ARHGAP6: variants seen among roughly 807,000 people sequenced by gnomAD.
ARHGAP6 encodes the protein rho GTPase-activating protein 6.
Under a neutral mutation model 55.7 loss-of-function variants are expected in ARHGAP6, and 16 were observed. The ratio of observed to expected loss-of-function variants is 0.29; its 90% confidence interval spans 0.19 to 0.44. The LOEUF is 0.44. Among genes scored for constraint, ARHGAP6 ranks in the 20% least tolerant of loss-of-function variants. The pLI is 1.00. For missense variants in ARHGAP6, 698 were observed against 808.9 expected (o/e 0.86, Z 1.66); for synonymous variants, 382 against 360.9 (o/e 1.06, Z -0.66).
chrX:11,437,821 G>T (rs1007725312), intron 1 of ARHGAP6, among the ~76,000 whole-genome samples: 2 of 112,533 alleles, frequency 1.8e-5, no homozygotes, highest in Admixed American at 9.4e-5. Flanking sequence ...AGTGCTCACA[G>T]ATGTTGGTCA....
chrX:11,423,761 G>A (rs753184084), intron 1 of ARHGAP6, among the ~76,000 whole-genome samples: 2 of 112,277 alleles, frequency 1.8e-5, no homozygotes, highest in Admixed American at 1.9e-4. Context: ...ACCTGCCAGC[G>A]AGAGAGAAAT....
At chrX:11,166,922 A>T (rs2046025006) in intron 9 of ARHGAP6, among the ~76,000 whole-genome samples, 1 of 111,375 alleles carries the variant, frequency 9.0e-6, no homozygotes, top group African/African-American at 3.3e-5. Context: ...TCTTCCTCCC[A>T]CTCCACTGTT....
chrX:11,645,488 C>T (rs1316393914), intron 1 of ARHGAP6, among the ~76,000 whole-genome samples: 1 of 111,340 alleles, frequency 9.0e-6, no homozygotes, highest in East Asian at 2.8e-4. Context: ...TGCCCAACCC[C>T]AAAGATGCTA....
At chrX:11,422,214 A>T in intron 1 of ARHGAP6, among the ~76,000 whole-genome samples, 1 of 111,295 alleles carries the variant, frequency 9.0e-6, no homozygotes, top group South Asian at 3.9e-4. Context: ...CTTCAGAGAA[A>T]GCAGTCAGGA....
intron 2 of ARHGAP6, among the ~76,000 whole-genome samples, chrX:11,220,728 C>G (rs1436842200): frequency 9.1e-6 from 1 of 109,333 alleles, no homozygotes; most frequent in Non-Finnish European, 1.9e-5. Context: ...CATCGACTAA[C>G]AAGCAAAATA....
intron 2 of ARHGAP6, among the ~76,000 whole-genome samples, chrX:11,229,735 G>T (rs1187589565): frequency 8.9e-6 from 1 of 111,798 alleles, no homozygotes; most frequent in Non-Finnish European, 1.9e-5. Context: ...TTCATGAATT[G>T]TTCAGAACAC....
chrX:11,318,605 A>T (rs2147613497), intron 1 of ARHGAP6: 1 of 112,439 alleles, frequency 8.9e-6, no homozygotes, highest in South Asian at 3.7e-4. Context: ...TAGTTGGCTG[A>T]AATTATTAGG....
chrX:11,507,682 C>T (rs745821759), intron 1 of ARHGAP6, among the ~76,000 whole-genome samples: 1 of 111,476 alleles, frequency 9.0e-6, no homozygotes, highest in African/African-American at 3.3e-5. Context: ...CCATCTAGGG[C>T]TGTGGATTTC....
chrX:11,359,652 A>G (rs980137626), intron 1 of ARHGAP6, among the ~76,000 whole-genome samples: 4 of 112,066 alleles, frequency 3.6e-5, no homozygotes, highest in Non-Finnish European at 3.8e-5. Flanking sequence ...AAATAACTAA[A>G]ATCAGAGCAG....
chrX:11,263,914 G>A (rs776495325), intron 1 of ARHGAP6, among the ~76,000 whole-genome samples: 60 of 111,683 alleles, frequency 5.4e-4, no homozygotes, highest in Admixed American at 2.3e-3. Flanking sequence ...GCCAAGTACT[G>A]CCTACTGATT....
At chrX:11,463,359 T>C (rs1309745787) in intron 1 of ARHGAP6, among the ~76,000 whole-genome samples, 1 of 111,924 alleles carries the variant, frequency 8.9e-6, no homozygotes, top group African/African-American at 3.2e-5. Context: ...TGTTTGTTGA[T>C]ACAGGGTCTC....
At chrX:11,238,954 TAAGAA>T (rs1327443978) in intron 2 of ARHGAP6, among the ~76,000 whole-genome samples, 1 of 111,837 alleles carries the variant, frequency 8.9e-6, no homozygotes, top group Non-Finnish European at 1.9e-5. Context: ...AATAAAAAGA[TAAGAA>T]AAGATGCCCA....
At chrX:11,421,213 T>C (rs1022193909) in intron 1 of ARHGAP6, among the ~76,000 whole-genome samples, 1 of 112,521 alleles carries the variant, frequency 8.9e-6, no homozygotes, top group Non-Finnish European at 1.9e-5. Flanking sequence ...TAATGTATTT[T>C]AGAAAGTGCC....
chrX:11,245,277 G>A (rs1764257643), intron 2 of ARHGAP6, among the ~76,000 whole-genome samples: 1 of 111,890 alleles, frequency 8.9e-6, no homozygotes, highest in Non-Finnish European at 1.9e-5. Flanking sequence ...CTCTATCGCA[G>A]CTAGACCTTA....
At chrX:11,368,869 A>G (rs1349949188) in intron 1 of ARHGAP6, among the ~76,000 whole-genome samples, 6 of 111,947 alleles carry the variant, frequency 5.4e-5, no homozygotes, top group Non-Finnish European at 1.1e-4. Flanking sequence ...TAGACTTTAA[A>G]TTTCCTGTCT....
At chrX:11,206,565 A>T (rs2046707691) in intron 2 of ARHGAP6, among the ~76,000 whole-genome samples, 1 of 112,055 alleles carries the variant, frequency 8.9e-6, no homozygotes, top group Non-Finnish European at 1.9e-5. Flanking sequence ...GGATACATTT[A>T]TCTTCCGTTA....
chrX:11,441,246 A>G (rs763612388), intron 1 of ARHGAP6, among the ~76,000 whole-genome samples: 1 of 111,653 alleles, frequency 9.0e-6, no homozygotes, highest in African/African-American at 3.3e-5. Context: ...AGAGTTTAGG[A>G]GGCAGAACTC....
At chrX:11,353,013 C>A (rs1024073754) in intron 1 of ARHGAP6, among the ~76,000 whole-genome samples, 1 of 111,707 alleles carries the variant, frequency 9.0e-6, no homozygotes, top group Non-Finnish European at 1.9e-5. Flanking sequence ...TCAGTTCAAG[C>A]ATACTTAGTA....
chrX:11,392,928 T>C (rs1032912714), intron 1 of ARHGAP6, among the ~76,000 whole-genome samples: 5 of 111,715 alleles, frequency 4.5e-5, no homozygotes, highest in African/African-American at 1.3e-4. Flanking sequence ...GTTGGTGTGT[T>C]TGTCCCAACC....
Sources: gnomAD v4.1 joint callset for allele counts (sites outside exome capture counted in the v4.1 genomes callset) on GRCh38, gnomAD v4.1.1 for gene constraint, MANE v1.5 for transcripts, NCBI Gene and HGNC (gene_info 2026-07-23, HGNC 2026-07-21) for gene names.